The following PRKN variants were observed in gnomAD, a reference collection of about 807,000 sequenced individuals.
The protein encoded by PRKN is E3 ubiquitin-protein ligase parkin.
In PRKN, 56 loss-of-function variants were observed where a neutral mutation model predicts 59.5. That is an observed-to-expected ratio of 0.94 (90% confidence interval 0.76 to 1.18). PRKN has a LOEUF of 1.18. Among genes scored for constraint, PRKN ranks in the 50% most tolerant of loss-of-function variants. The probability of loss-of-function intolerance (pLI) is 0.00; values close to 1 mark genes in which losing one functional copy is unlikely to be tolerated. For missense variants in PRKN, 657 were observed against 596.4 expected, an observed-to-expected ratio of 1.10 and a Z score of -1.06; for synonymous variants, 250 against 222.1, an observed-to-expected ratio of 1.13 and a Z score of -1.12.
chr6:162,517,816 ATATAT>A (rs1259241574), intron 1 of PRKN, among the ~76,000 whole-genome samples: 4 of 152,196 alleles, frequency 2.6e-5, no homozygotes. Context: ...TGTCTACATC[ATATAT>A]TATATTAACC....
intron 6 of PRKN, among the ~76,000 whole-genome samples, chr6:161,792,713 G>A (rs898187980): frequency 3.9e-5 from 6 of 152,126 alleles, no homozygotes; most frequent in African/African-American, 1.4e-4. Flanking sequence ...CAGAAGTCAT[G>A]CCCCAGTTAG....
chr6:161,623,693 C>G (rs1193940079), intron 7 of PRKN, among the ~76,000 whole-genome samples: 1 of 152,156 alleles, frequency 6.6e-6, no homozygotes. Context: ...TGTGTATACT[C>G]TCTAACACCC....
At chr6:162,177,022 A>G (rs1783570793) in intron 4 of PRKN, among the ~76,000 whole-genome samples, 1 of 151,870 alleles carries the variant, frequency 6.6e-6, no homozygotes, top group Non-Finnish European at 1.5e-5. Context: ...AAGTATAAGG[A>G]CATATATTTT....
chr6:161,417,225 C>A lies in PRKN; in HGVS notation c.1084-30348G>T, dbSNP rs1483731934. On this transcript the variant is annotated intron_variant, in intron 9 of 11. Coordinates refer to ENST00000366898, the MANE Select transcript of PRKN (RefSeq NM_004562.3). The surrounding 1 kb of genome is among the most constrained non-coding windows in gnomAD (Gnocchi z 5.4). ...CCAGCACTTTGGGAGGCCGAGGCTG[C>A]CAAATCACGAGGTCAAGAGATCAAG... Among the ~76,000 whole-genome samples, 1 of 151,984 alleles carries A rather than the reference C, an allele frequency of 6.6e-6. No homozygotes were observed. The highest frequency in any genetic ancestry group is 2.4e-5 in the African/African-American group (1 of 41,376).
intron 7 of PRKN, among the ~76,000 whole-genome samples, chr6:161,774,091 T>C (rs1379532685): frequency 1.3e-5 from 2 of 152,106 alleles, no homozygotes; most frequent in Admixed American, 1.3e-4. Flanking sequence ...GAACAGACAG[T>C]GCCCTGTTGA....
intron 7 of PRKN, among the ~76,000 whole-genome samples, chr6:161,653,487 A>G (rs765183256): frequency 2.0e-5 from 3 of 152,176 alleles, no homozygotes; most frequent in Non-Finnish European, 2.9e-5. Context: ...CATCATCAGT[A>G]TTAGCCTCTC....
At chr6:162,207,556 C>T (rs938998989) in intron 3 of PRKN, among the ~76,000 whole-genome samples, 2 of 152,134 alleles carry the variant, frequency 1.3e-5, no homozygotes, top group African/African-American at 2.4e-5. Context: ...TTCACTTGAC[C>T]GTCCTAACAT....
At chr6:162,049,835 C>A (rs975927402) in intron 5 of PRKN, among the ~76,000 whole-genome samples, 2 of 152,166 alleles carry the variant, frequency 1.3e-5, no homozygotes, top group Non-Finnish European at 1.5e-5. Flanking sequence ...GAGTGACTCT[C>A]TCCTGATGTC....
At chr6:162,009,034 C>G (rs1240165977) in intron 5 of PRKN, among the ~76,000 whole-genome samples, 1 of 151,832 alleles carries the variant, frequency 6.6e-6, no homozygotes, top group Non-Finnish European at 1.5e-5. Flanking sequence ...GCGGGCGGAT[C>G]ACGAGGTCAG....
intron 1 of PRKN, among the ~76,000 whole-genome samples, chr6:162,620,971 C>T (rs906049660): frequency 2.6e-5 from 4 of 152,172 alleles, no homozygotes; most frequent in African/African-American, 7.2e-5. Context: ...GATAGCTTCT[C>T]GGATCCAGTG....
At chr6:162,134,381 T>C (rs2128308772) in intron 4 of PRKN, among the ~76,000 whole-genome samples, 1 of 152,362 alleles carries the variant, frequency 6.6e-6, no homozygotes, top group African/African-American at 2.4e-5. Context: ...TGCTTTCCTT[T>C]GTTTTGTTTG....
rs535603746 is a variant in PRKN, at chr6:162,108,133, C to T, written c.535-53959G>A. On this transcript the variant is annotated intron_variant, in intron 4 of 11. Coordinates refer to ENST00000366898, the MANE Select transcript of PRKN (RefSeq NM_004562.3). ...TCCAAACATGTACCTGGTTTTCAAA[C>T]GTCCCACACTCCTGCTTCACAGGGA... Among the ~76,000 whole-genome samples the T allele has an allele frequency of 5.3e-5, 8 of 152,246 alleles. No individual in the cohort carries two copies. In the East Asian group the frequency reaches 1.4e-3, roughly 26 times the overall value.
intron 6 of PRKN, among the ~76,000 whole-genome samples, chr6:161,802,252 G>A (rs1199450633): frequency 6.6e-6 from 1 of 151,994 alleles, no homozygotes; most frequent in Non-Finnish European, 1.5e-5. Flanking sequence ...TCAGAAAAAG[G>A]TCCAAGTCCT....
In PRKN at chr6:161,713,235, C is replaced by T. The variant is rs900869298; in HGVS notation, c.871+72537G>A. On this transcript the variant is annotated intron_variant, in intron 7 of 11. Coordinates refer to ENST00000366898, the MANE Select transcript of PRKN (RefSeq NM_004562.3). ...AATAGGGTGAGGTGGGGGGATGCAG[C>T]TTCCATGCCCTTGCTGGAGCTGCCA... Among the ~76,000 whole-genome samples the T allele has an allele frequency of 6.9e-4, 105 of 152,170 alleles. 2 individuals are homozygous for T. The highest frequency in any genetic ancestry group is 3.4e-3 in the Admixed American group (52 of 15,286).
intron 1 of PRKN, among the ~76,000 whole-genome samples, chr6:162,726,347 G>A (rs1779186563): frequency 6.6e-6 from 1 of 152,086 alleles, no homozygotes; most frequent in African/African-American, 2.4e-5. Flanking sequence ...CTTCTACTTG[G>A]TTTTCTGATT....
intron 6 of PRKN, among the ~76,000 whole-genome samples, chr6:161,915,681 G>C (rs972226791): frequency 6.6e-6 from 1 of 152,120 alleles, no homozygotes; most frequent in Non-Finnish European, 1.5e-5. Flanking sequence ...TCAGTTTGTG[G>C]ATCTAAGCAG....
intron 9 of PRKN, among the ~76,000 whole-genome samples, chr6:161,404,839 A>G (rs1390576761): frequency 1.3e-5 from 2 of 152,224 alleles, no homozygotes; most frequent in African/African-American, 4.8e-5. Context: ...TTATTGCTAC[A>G]GAGAACCTGA....
intron 2 of PRKN, among the ~76,000 whole-genome samples, chr6:162,363,142 A>C (rs1238149475): frequency 6.6e-6 from 1 of 150,802 alleles, no homozygotes; most frequent in African/African-American, 2.5e-5. Context: ...AAAAAAAAAA[A>C]AAAAAAAAAA....
chr6:161,376,002 AAT>A lies in PRKN; in HGVS notation c.1167+10790_1167+10791del, dbSNP rs561756504. On this transcript the variant is annotated intron_variant, in intron 10 of 11. Coordinates refer to ENST00000366898, the MANE Select transcript of PRKN (RefSeq NM_004562.3). This position sits in a 1 kb window ranked among gnomAD's most constrained non-coding sequence, Gnocchi z 7.3. ...ACCGGGGATCTAGATCTCCGGGAATAATAAATTACACCCATCTCCCAATACTG... is the reference window on the plus strand; with the variant it reads ...ACCGGGGATCTAGATCTCCGGGAATAAAATTACACCCATCTCCCAATACTG... 6.0e-4 allele frequency among the ~76,000 whole-genome samples: 91 copies of A among 152,346 alleles called. No individual in the cohort carries two copies. Among genetic ancestry groups the A allele is most frequent in the Admixed American group, 1.2e-3 (18 of 15,306 alleles).
Sources: allele counts gnomAD v4.1 joint callset (sites outside exome capture counted in the v4.1 genomes callset), GRCh38; gene constraint gnomAD v4.1.1; non-coding constraint Gnocchi (gnomAD v3.1); transcripts MANE v1.5; gene names NCBI Gene and HGNC (gene_info 2026-07-23, HGNC 2026-07-21).